The following SAMMSON variants were observed in gnomAD, a reference collection of about 807,000 sequenced individuals.
SAMMSON encodes the protein long intergenic non-protein coding RNA 1212.
chr3:70,366,510 C>A (rs374677630), intron 9 of SAMMSON, among the ~76,000 whole-genome samples: 1 of 29,714 alleles, frequency 3.4e-5, no homozygotes, highest in Non-Finnish European at 7.7e-5. Context: ...TTTTTTTTTG[C>A]CTAATAGCTT....
At chr3:70,425,004 A>G (rs1377628145) in intron 2 of SAMMSON, 1 of 152,730 alleles carries the variant, frequency 6.5e-6, no homozygotes. Flanking sequence ...AGCGGAAGAG[A>G]AAGAGAAGGA....
At chr3:70,063,285 T>A (rs529140423) in intron 3 of SAMMSON, among the ~76,000 whole-genome samples, 2 of 152,264 alleles carry the variant, frequency 1.3e-5, no homozygotes, top group East Asian at 3.9e-4. Context: ...CTACACCAAA[T>A]ATATCTTTAG....
intron 4 of SAMMSON, among the ~76,000 whole-genome samples, chr3:70,131,164 G>A (rs1003532928): frequency 2.6e-5 from 4 of 152,158 alleles, no homozygotes; most frequent in Non-Finnish European, 5.9e-5. Context: ...GAAGTCAGAC[G>A]AGCTTTAAGT....
chr3:70,238,192 A>T, intron 4 of SAMMSON, among the ~76,000 whole-genome samples: 1 of 151,682 alleles, frequency 6.6e-6, no homozygotes, highest in East Asian at 1.9e-4. Flanking sequence ...CATAGCACCA[A>T]TCCAGGCGTT....
chr3:70,038,239 G>T (rs1233402514), intron 3 of SAMMSON, among the ~76,000 whole-genome samples: 1 of 152,154 alleles, frequency 6.6e-6, no homozygotes, highest in Non-Finnish European at 1.5e-5. Context: ...TTCATGAATA[G>T]AAGAATGCCC....
At chr3:70,374,018 G>A (rs1431006032) in intron 9 of SAMMSON, among the ~76,000 whole-genome samples, 1 of 152,088 alleles carries the variant, frequency 6.6e-6, no homozygotes, top group Non-Finnish European at 1.5e-5. Flanking sequence ...AGGTTCAAGC[G>A]ATTCTCCTGT....
intron 4 of SAMMSON, among the ~76,000 whole-genome samples, chr3:70,245,189 C>A (rs983329960): frequency 6.6e-6 from 1 of 151,968 alleles, no homozygotes; most frequent in African/African-American, 2.4e-5. Flanking sequence ...ATGCATTTCT[C>A]TTGGCGTTAA....
At chr3:70,379,080 C>T (rs1224995005) in intron 9 of SAMMSON, among the ~76,000 whole-genome samples, 1 of 151,842 alleles carries the variant, frequency 6.6e-6, no homozygotes, top group African/African-American at 2.4e-5. Flanking sequence ...GTGGCACGAT[C>T]TCAGCTCACT....
intron 6 of SAMMSON, among the ~76,000 whole-genome samples, chr3:70,263,142 C>A (rs6549313): frequency 6.6e-6 from 1 of 152,080 alleles, no homozygotes; most frequent in East Asian, 1.9e-4. Flanking sequence ...TGACTATAAA[C>A]TCTATATTTG....
At chr3:70,067,193 C>CT (rs1559784286) in intron 3 of SAMMSON, among the ~76,000 whole-genome samples, 34 of 152,062 alleles carry the variant, frequency 2.2e-4, no homozygotes, top group Admixed American at 1.3e-4. Context: ...GGAGAGATTT[C>CT]CTTACGGTAT....
At chr3:70,372,542 CA>C (rs1178583678) in intron 9 of SAMMSON, among the ~76,000 whole-genome samples, 3 of 152,076 alleles carry the variant, frequency 2.0e-5, no homozygotes, top group Non-Finnish European at 4.4e-5. Flanking sequence ...GCAGATGATC[CA>C]CCTGCCTTGG....
chr3:70,315,066 A>G (rs1341085325), intron 7 of SAMMSON, among the ~76,000 whole-genome samples: 1 of 152,170 alleles, frequency 6.6e-6, no homozygotes. Context: ...TGACTTTTCC[A>G]ATTACTATGA....
chr3:70,351,001 G>A (rs1012676125), intron 7 of SAMMSON, among the ~76,000 whole-genome samples: 1 of 152,130 alleles, frequency 6.6e-6, no homozygotes, highest in African/African-American at 2.4e-5. Flanking sequence ...GAAGCCTTGA[G>A]CAGTGGTTCT....
intron 4 of SAMMSON, among the ~76,000 whole-genome samples, chr3:70,122,410 T>C (rs2067438221): frequency 6.6e-6 from 1 of 152,158 alleles, no homozygotes; most frequent in Non-Finnish European, 1.5e-5. Context: ...GGTTTTACCA[T>C]GTTGCCCAGG....
At chr3:70,048,041 G>C (rs921888429) in intron 3 of SAMMSON, among the ~76,000 whole-genome samples, 8 of 152,044 alleles carry the variant, frequency 5.3e-5, no homozygotes, top group African/African-American at 1.9e-4. Context: ...GATTTGAATA[G>C]CAAAAATACC....
intron 6 of SAMMSON, among the ~76,000 whole-genome samples, chr3:70,272,574 G>A (rs1701985355): frequency 6.6e-6 from 1 of 152,146 alleles, no homozygotes; most frequent in African/African-American, 2.4e-5. Context: ...TTCCCGTACA[G>A]GTCTTTACGT....
At chr3:70,004,569 A>G (rs989194414) in intron 1 of SAMMSON, among the ~76,000 whole-genome samples, 9 of 152,328 alleles carry the variant, frequency 5.9e-5, no homozygotes, top group South Asian at 2.1e-4. Context: ...GATCAGTCCT[A>G]TCTTCTAAGA....
chr3:70,414,036 A>C (rs1301110607), intron 2 of SAMMSON, among the ~76,000 whole-genome samples: 2 of 152,120 alleles, frequency 1.3e-5, no homozygotes, highest in East Asian at 3.9e-4. Flanking sequence ...AAAGAGCTTA[A>C]TAAATAGAAT....
At chr3:70,140,143 C>T (rs2106680105) in intron 4 of SAMMSON, 1 of 155,376 alleles carries the variant, frequency 6.4e-6, no homozygotes, top group African/African-American at 2.4e-5. Context: ...GCTGATAAGT[C>T]CTTCTTGATT....
Sources: allele counts gnomAD v4.1 joint callset (sites outside exome capture counted in the v4.1 genomes callset), GRCh38; gene constraint gnomAD v4.1.1; transcripts MANE v1.5; gene names NCBI Gene and HGNC (gene_info 2026-07-23, HGNC 2026-07-21).